COG4: variants seen among roughly 807,000 people sequenced by gnomAD.
COG4 encodes component of oligomeric golgi complex 4.
Under a neutral mutation model 95.1 loss-of-function variants are expected in COG4, and 65 were observed. The ratio of observed to expected loss-of-function variants is 0.68; its 90% CI spans 0.56 to 0.84. The LOEUF (loss-of-function observed/expected upper bound fraction) is 0.84, where lower values mean the gene tolerates loss of function less well. COG4 is among the 40% of genes least tolerant of loss of function. The pLI is 0.00. For missense variants in COG4, 1,045 were observed against 989.1 expected, an observed-to-expected ratio of 1.06 and a Z score of -0.76; for synonymous variants, 421 against 374.8, an observed-to-expected ratio of 1.12 and a Z score of -1.42.
intron 8 of COG4, 116 bp from the exon 9 acceptor site, chr16:70,501,207 C>G: frequency 8.6e-7 from 1 of 1,168,646 alleles, no homozygotes; most frequent in East Asian, 2.4e-5. Flanking sequence ...AGGAAAAGCT[C>G]TGCCAGATGG....
chr16:70,481,170 T>G, intron 18 of COG4, 26 bp from the exon 19 acceptor site: 1 of 1,613,012 alleles, frequency 6.2e-7, no homozygotes, highest in East Asian at 2.2e-5. Context: ...TAGAGACCAG[T>G]CAGCAAGGTG....
chr16:70,504,608 T>TAAAAAAAAA (rs1567385401), intron 8 of COG4, among the ~76,000 whole-genome samples: 2 of 89,058 alleles, frequency 2.2e-5, no homozygotes, highest in African/African-American at 1.4e-4. Context: ...GAGATTCTAT[T>TAAAAAAAAA]TAAAAAAAAA....
chr16:70,499,344 T>C (rs763334339), intron 9 of COG4, among the ~76,000 whole-genome samples: 11 of 152,218 alleles, frequency 7.2e-5, no homozygotes, highest in Admixed American at 2.6e-4. Flanking sequence ...TTTTCAGTCT[T>C]TTGGCTAAGA....
At chr16:70,499,820 C>T (rs1232597658) in intron 9 of COG4, among the ~76,000 whole-genome samples, 5 of 152,042 alleles carry the variant, frequency 3.3e-5, no homozygotes, top group South Asian at 2.1e-4. Context: ...CCACCACGCC[C>T]GGCTAATTTT....
intron 12 of COG4, among the ~76,000 whole-genome samples, chr16:70,491,858 T>G (rs921966524): frequency 6.7e-6 from 1 of 149,570 alleles, no homozygotes; most frequent in Non-Finnish European, 1.5e-5. Flanking sequence ...GTAAAATGAT[T>G]CACGAAGGTC....
rs2048975114 is a variant in COG4 at position 70,480,891 on chromosome 16, A to G, written c.*119T>C. On this transcript the variant is annotated 3_prime_UTR_variant, in exon 19 of 19. Coordinates refer to ENST00000323786, the MANE Select transcript of COG4 (RefSeq NM_015386.3). ...ACTTTGTTTCTCTGCTGCCAGCCGT[A>G]GAAAGGTCTGGGCTGTCAGATCTCC... 5.0e-6 allele frequency: 6 copies of G among 1,209,430 alleles called. No individual in the cohort carries two copies. The Admixed American group carries it at 8.7e-5, about 18-fold the overall frequency. The allele number at this position is 1,209,430 out of a possible 1,614,324, so 74.9% of individuals were successfully genotyped here. A position where few individuals can be genotyped will look rare whatever the true frequency, so the allele number is the denominator to read the frequency against.
intron 13 of COG4, 133 bp downstream of exon 13, chr16:70,490,197 G>A (rs557317695): frequency 8.0e-5 from 62 of 779,006 alleles, no homozygotes; most frequent in African/African-American, 7.6e-4. Context: ...TATCATGTCA[G>A]TCACCAAAGA....
Position 70,523,383 on chromosome 16 carries a change from C to G in COG4, c.161G>C (p.Cys54Ser), listed in dbSNP as rs1196319272. Residue 54 changes from cysteine to serine, a missense_variant, in exon 1 of 19, where the codon TGC (cysteine) becomes TCC (serine). Cys to Ser is a moderately radical substitution (Grantham distance 112, BLOSUM62 -1). Transcript: ENST00000323786. ...QELEAVYERL[C>S]GEEKVVEREL... is the part of the protein sequence containing the mutation. ...GGCTCGACCCCGCACCTCCTCGCCG[C>G]AGAGCCGTTCGTATACAGCCTCCAG... 1.2e-6 allele frequency: 2 copies of G among 1,614,168 alleles called. No homozygotes were observed. Among genetic ancestry groups the G allele is most frequent in the Admixed American group, 3.3e-5 (2 of 60,018 alleles).
At chr16:70,485,494 G>A (rs954330233) in intron 13 of COG4, among the ~76,000 whole-genome samples, 2 of 151,332 alleles carry the variant, frequency 1.3e-5, no homozygotes, top group African/African-American at 4.9e-5. Flanking sequence ...GTGAGCCATC[G>A]CGCCTGGCAG....
rs1486899057 is a variant in COG4 at position 70,522,285 on chromosome 16, G to A, written c.171+1088C>T. ...GCTGGGATGGCAGGCGTGAGCCACC[G>A]CGCCCCGCAAGATACTAAATTTTAA... On this transcript the variant is annotated intron_variant, in intron 1 of 18. Transcript: ENST00000323786. Among the ~76,000 whole-genome samples, 4 of 152,058 alleles carry A rather than the reference G, an allele frequency of 2.6e-5. 1 individual carries two copies. Among genetic ancestry groups the A allele is most frequent in the African/African-American group, 4.8e-5 (2 of 41,388 alleles).
chr16:70,513,776 T>C (rs1283808766), intron 4 of COG4, among the ~76,000 whole-genome samples: 1 of 152,206 alleles, frequency 6.6e-6, no homozygotes, highest in Non-Finnish European at 1.5e-5. Context: ...TTAATATTTT[T>C]GGACTAAGGT....
intron 8 of COG4, among the ~76,000 whole-genome samples, chr16:70,504,607 T>C (rs62049040): frequency 2.3e-5 from 2 of 88,358 alleles, no homozygotes; most frequent in Admixed American, 2.2e-4. Context: ...TGAGATTCTA[T>C]TTAAAAAAAA....
intron 11 of COG4, among the ~76,000 whole-genome samples, chr16:70,496,904 CAGG>C (rs1179059007): frequency 1.3e-5 from 2 of 152,146 alleles, no homozygotes; most frequent in Non-Finnish European, 2.9e-5. Context: ...CTCAAAAGCG[CAGG>C]AGATTAGCAT....
chr16:70,490,377 C>T lies in COG4; in HGVS notation c.1663G>A (p.Val555Met), dbSNP rs540667522. The change falls in exon 13 of 19, where the codon GTG (valine) becomes ATG (methionine). Residue 555 changes from valine to methionine, a missense_variant. Physicochemically the swap from Val to Met is conservative, Grantham distance 21. Coordinates refer to ENST00000323786, the MANE Select transcript of COG4 (RefSeq NM_015386.3). Reference sequence around the variant, plus strand: ...GAGATGTTTTCACTGCAGACTTCCACGTTGTTCAGAGTCACCTGGGAGATG... The same window carrying T: ...GAGATGTTTTCACTGCAGACTTCCATGTTGTTCAGAGTCACCTGGGAGATG... ...KMSFLVTLNN[V>M]EVCSENISTL... 3.5e-5 allele frequency: 57 copies of T among 1,613,782 alleles called. No homozygotes were observed. Among genetic ancestry groups the T allele is most frequent in the South Asian group, 1.6e-4 (15 of 91,078 alleles).
intron 1 of COG4, among the ~76,000 whole-genome samples, chr16:70,521,752 A>G (rs1271977756): frequency 7.1e-6 from 1 of 141,362 alleles, no homozygotes; most frequent in Non-Finnish European, 1.5e-5. Flanking sequence ...CCGAGGCTGG[A>G]GTGCAGTGGT....
chr16:70,521,968 T>TGG (rs2049954387), intron 1 of COG4, among the ~76,000 whole-genome samples: 1 of 151,778 alleles, frequency 6.6e-6, no homozygotes, highest in East Asian at 1.9e-4. Context: ...CCCAAAGTGC[T>TGG]GGGGTTACAG....
intron 3 of COG4, among the ~76,000 whole-genome samples, chr16:70,516,808 G>C (rs1472096306): frequency 1.3e-5 from 2 of 151,924 alleles, no homozygotes; most frequent in Non-Finnish European, 2.9e-5. Context: ...CTGCAACTCA[G>C]GCTGGAGTAC....
intron 9 of COG4, among the ~76,000 whole-genome samples, chr16:70,499,102 C>T (rs1178967753): frequency 1.3e-5 from 2 of 152,072 alleles, no homozygotes. Flanking sequence ...TATCTGTTAT[C>T]TGATATAGTA....
chr16:70,482,043 G>T, intron 16 of COG4, 49 bp downstream of exon 16: 1 of 1,502,946 alleles, frequency 6.7e-7, no homozygotes, highest in Non-Finnish European at 9.3e-7. Context: ...CTGCTGGTTT[G>T]GGCTGACGTG....
Sources: allele counts gnomAD v4.1 joint callset (sites outside exome capture counted in the v4.1 genomes callset), GRCh38; gene constraint gnomAD v4.1.1; transcripts MANE v1.5; gene names NCBI Gene and HGNC (gene_info 2026-07-23, HGNC 2026-07-21).